NTNG1: variants seen among roughly 807,000 people sequenced by gnomAD.
The protein encoded by NTNG1 is netrin G1.
Under a neutral mutation model 54.0 loss-of-function variants are expected in NTNG1, and 16 were observed. The observed-to-expected ratio is 0.30, with a 90% CI of 0.20 to 0.45. The LOEUF (loss-of-function observed/expected upper bound fraction) is 0.45. NTNG1 is among the 20% of genes least tolerant of loss of function. NTNG1 has a pLI of 1.00. For synonymous variants in NTNG1, 255 were observed against 263.1 expected (o/e 0.97, Z 0.30); for missense variants, 530 against 678.7 (o/e 0.78, Z 2.43).
intron 3 of NTNG1, among the ~76,000 whole-genome samples, chr1:107,337,744 A>C (rs1192367406): frequency 6.6e-6 from 1 of 152,022 alleles, no homozygotes; most frequent in Non-Finnish European, 1.5e-5. Context: ...GAAATCTTCT[A>C]GTCTTTTCCC....
At chr1:107,478,995 T>A (rs946427860) in intron 7 of NTNG1, among the ~76,000 whole-genome samples, 1 of 152,208 alleles carries the variant, frequency 6.6e-6, no homozygotes, top group Non-Finnish European at 1.5e-5. Context: ...AAGAGGTAGC[T>A]TATATAATCA....
chr1:107,331,697 G>A lies in NTNG1; in HGVS notation c.887+6775G>A, dbSNP rs12058361. Reference sequence around the variant, plus strand: ...AACTTGGAAATAGCCAACTACCTTCGCTTATTTTAAGCAAGTTCATACTTC... The same window carrying A: ...AACTTGGAAATAGCCAACTACCTTCACTTATTTTAAGCAAGTTCATACTTC... On this transcript the variant is annotated intron_variant, in intron 3 of 7. Coordinates refer to ENST00000370068, the MANE Select transcript of NTNG1 (RefSeq NM_001113226.3). Among the ~76,000 whole-genome samples the A allele has an allele frequency of 9.1e-4, 138 of 152,024 alleles. No homozygotes were observed. The Middle Eastern group carries it at 0.014, about 15-fold the overall frequency.
At chr1:107,324,165 A>G in intron 2 of NTNG1, 117 bp from the exon 3 acceptor site, 2 of 868,178 alleles carry the variant, frequency 2.3e-6, no homozygotes, top group Non-Finnish European at 3.7e-6. Flanking sequence ...AATAAAAATG[A>G]TTACTGAAAA....
At position 107,421,308 on chromosome 1, in the gene NTNG1, G is replaced by GA. The variant is rs201899354; in HGVS notation, c.1088-9433dup. ...GAATAGTACTGAGAATCATCTGTAA[G>GA]AAAAAAAAATGCTTCACTCAGAAAC... On this transcript the variant is annotated intron_variant, in intron 5 of 7. Transcript: ENST00000370068. 2.3e-4 allele frequency among the ~76,000 whole-genome samples: 35 copies of GA among 150,302 alleles called. No individual in the cohort carries two copies. The South Asian group carries it at 3.8e-3, about 16-fold the overall frequency.
intron 6 of NTNG1, among the ~76,000 whole-genome samples, chr1:107,435,113 G>GT (rs576433920): frequency 1.1e-3 from 161 of 152,114 alleles, no homozygotes; most frequent in African/African-American, 3.8e-3. Context: ...TTGGCCAGAT[G>GT]TAACTCTGCT....
chr1:107,178,464 C>G lies in NTNG1; in HGVS notation c.246+29625C>G, dbSNP rs569575713. Among the ~76,000 whole-genome samples, 4 of 152,094 alleles carry G rather than the reference C, an allele frequency of 2.6e-5. No homozygotes were observed. In the South Asian group the frequency reaches 8.3e-4, roughly 32 times the overall value. ...GTCTTTTCTGGATCCCAACCCACCA[C>G]CTGGGTTTTTTTTTTCATTGTTGTC... On this transcript the variant is annotated intron_variant, in intron 2 of 7. Transcript: ENST00000370068.
intron 7 of NTNG1, among the ~76,000 whole-genome samples, chr1:107,455,214 C>T (rs1382716342): frequency 1.3e-5 from 2 of 152,176 alleles, no homozygotes; most frequent in African/African-American, 4.8e-5. Flanking sequence ...CAGGCATGTG[C>T]CACCATGCCC....
At chr1:107,350,057 G>A (rs925566031) in intron 3 of NTNG1, among the ~76,000 whole-genome samples, 3 of 152,126 alleles carry the variant, frequency 2.0e-5, no homozygotes, top group East Asian at 1.9e-4. Context: ...TTCTCTCTAC[G>A]AGTTGGTATT....
intron 2 of NTNG1, among the ~76,000 whole-genome samples, chr1:107,218,600 T>A (rs1660126865): frequency 9.2e-6 from 1 of 108,966 alleles, no homozygotes; most frequent in Non-Finnish European, 2.1e-5. Context: ...TTTCACACAT[T>A]CATTTCAAGA....
Position 107,458,434 on chromosome 1 carries a change from G to A in NTNG1, c.1390+21635G>A, listed in dbSNP as rs1677081032. 1.3e-5 allele frequency among the ~76,000 whole-genome samples: 2 copies of A among 152,076 alleles called. 1 individual carries two copies. Among genetic ancestry groups the A allele is most frequent in the African/African-American group, 4.8e-5 (2 of 41,430 alleles). On this transcript the variant is annotated intron_variant, in intron 7 of 7. Coordinates refer to ENST00000370068, the MANE Select transcript of NTNG1 (RefSeq NM_001113226.3). ...ACTGAGAGGCAAAATTATTTTCAAT[G>A]AAGTTTCAATTTCAGTGAAAATAAA...
chr1:107,405,395 A>G (rs1673349765), intron 4 of NTNG1, among the ~76,000 whole-genome samples: 1 of 152,166 alleles, frequency 6.6e-6, no homozygotes, highest in Non-Finnish European at 1.5e-5. Context: ...AAGCCACAAA[A>G]TGAGGAACAG....
At chr1:107,371,173 G>T (rs932616007) in intron 3 of NTNG1, among the ~76,000 whole-genome samples, 1 of 151,976 alleles carries the variant, frequency 6.6e-6, no homozygotes, top group African/African-American at 2.4e-5. Flanking sequence ...ATCAGAAATG[G>T]ATGTTGAGTT....
intron 2 of NTNG1, among the ~76,000 whole-genome samples, chr1:107,235,283 A>T (rs943174489): frequency 6.6e-6 from 1 of 152,146 alleles, no homozygotes; most frequent in African/African-American, 2.4e-5. Flanking sequence ...ACTTCCATGG[A>T]CCCACTGGAC....
intron 7 of NTNG1, among the ~76,000 whole-genome samples, chr1:107,451,603 G>A (rs1023955389): frequency 6.6e-6 from 1 of 152,128 alleles, no homozygotes; most frequent in Non-Finnish European, 1.5e-5. Flanking sequence ...ATTATTTTAT[G>A]TTTTGACATG....
chr1:107,462,814 A>T (rs1006055026), intron 7 of NTNG1, among the ~76,000 whole-genome samples: 1 of 152,230 alleles, frequency 6.6e-6, no homozygotes, highest in South Asian at 2.1e-4. Context: ...GTTGGTACCT[A>T]TTCTCATCTT....
At chr1:107,167,721 C>G (rs1344861987) in intron 2 of NTNG1, among the ~76,000 whole-genome samples, 2 of 151,812 alleles carry the variant, frequency 1.3e-5, no homozygotes, top group Non-Finnish European at 2.9e-5. Flanking sequence ...TCTTAAATGC[C>G]TAACATGTAT....
At chr1:107,409,883 G>A (rs1428577201) in intron 5 of NTNG1, 2 of 152,184 alleles carry the variant, frequency 1.3e-5, no homozygotes, top group Non-Finnish European at 1.5e-5. Flanking sequence ...AATGGCATTC[G>A]AAAGTTCCTT....
intron 3 of NTNG1, among the ~76,000 whole-genome samples, chr1:107,363,811 T>A (rs1013087490): frequency 1.3e-5 from 2 of 152,218 alleles, no homozygotes; most frequent in Non-Finnish European, 2.9e-5. Context: ...ACATGTATAT[T>A]TCCTCAAATA....
At chr1:107,311,364 ACTT>A (rs1245646050) in intron 2 of NTNG1, among the ~76,000 whole-genome samples, 1 of 152,116 alleles carries the variant, frequency 6.6e-6, no homozygotes, top group East Asian at 1.9e-4. Context: ...TAGGAGAAAT[ACTT>A]CTTTGACTGA....
Sources: allele counts gnomAD v4.1 joint callset (sites outside exome capture counted in the v4.1 genomes callset), GRCh38; gene constraint gnomAD v4.1.1; transcripts MANE v1.5; gene names NCBI Gene and HGNC (gene_info 2026-07-23, HGNC 2026-07-21).